Variants in PCDH7 observed in about 807,000 individuals in gnomAD.
The protein encoded by PCDH7 is protocadherin 7.
PCDH7 carries 17 observed loss-of-function variants against 58.9 expected under a neutral mutation model. The ratio of observed to expected loss-of-function variants is 0.29; its 90% confidence interval spans 0.20 to 0.43. The LOEUF (loss-of-function observed/expected upper bound fraction) is 0.43. Ranked by LOEUF, PCDH7 falls within the 20% of genes least tolerant of loss-of-function variation. The pLI is 1.00. For synonymous variants in PCDH7, 664 were observed against 616.4 expected, an observed-to-expected ratio of 1.08 and a Z score of -1.14; for missense variants, 1,274 against 1,441.0, an observed-to-expected ratio of 0.88 and a Z score of 1.88.
At chr4:31,105,748 C>T (rs1578810119) in intron 3 of PCDH7, among the ~76,000 whole-genome samples, 1 of 152,126 alleles carries the variant, frequency 6.6e-6, no homozygotes, top group African/African-American at 2.4e-5. Context: ...TGGCTCACGC[C>T]TGTAATCCCA....
intron 1 of PCDH7, among the ~76,000 whole-genome samples, chr4:30,882,079 C>T (rs549231102): frequency 6.6e-6 from 1 of 150,618 alleles, no homozygotes; most frequent in Non-Finnish European, 1.5e-5. Flanking sequence ...TCTCATCCTC[C>T]TCCTCCCCTG....
intron 1 of PCDH7, among the ~76,000 whole-genome samples, chr4:30,879,494 G>A (rs535826443): frequency 1.3e-5 from 2 of 151,844 alleles, no homozygotes; most frequent in South Asian, 2.1e-4. Flanking sequence ...TACCGTTTAC[G>A]TGACAGTATC....
intron 1 of PCDH7, among the ~76,000 whole-genome samples, chr4:30,872,696 A>G (rs1181990102): frequency 6.6e-6 from 1 of 152,104 alleles, no homozygotes; most frequent in Non-Finnish European, 1.5e-5. Context: ...AGCTCATTGT[A>G]GGCATTCATA....
At chr4:30,756,748 T>A (rs1719362329) in intron 1 of PCDH7, among the ~76,000 whole-genome samples, 1 of 152,252 alleles carries the variant, frequency 6.6e-6, no homozygotes, top group South Asian at 2.1e-4. Context: ...CTTGCTTAGA[T>A]GTCTAACATC....
At chr4:30,918,353 T>C (rs1027315536) in intron 1 of PCDH7, among the ~76,000 whole-genome samples, 3 of 151,912 alleles carry the variant, frequency 2.0e-5, no homozygotes, top group African/African-American at 7.3e-5. Flanking sequence ...TGGGTGAGGG[T>C]TGGGAGAAAA....
intron 3 of PCDH7, among the ~76,000 whole-genome samples, chr4:30,991,018 G>A (rs767610407): frequency 2.0e-5 from 3 of 152,048 alleles, no homozygotes; most frequent in Non-Finnish European, 2.9e-5. Context: ...TTTAGAAAAG[G>A]GGATTCTATA....
intron 3 of PCDH7, among the ~76,000 whole-genome samples, chr4:30,971,905 G>A (rs965750724): frequency 1.1e-4 from 16 of 152,182 alleles, no homozygotes; most frequent in African/African-American, 3.4e-4. Flanking sequence ...GAGGCTGCAT[G>A]AGCGGTGATT....
chr4:30,964,243 T>G, intron 3 of PCDH7, among the ~76,000 whole-genome samples: 1 of 42,600 alleles, frequency 2.3e-5, no homozygotes, highest in South Asian at 6.2e-4. Context: ...TATTTATTTA[T>G]TTATTTATTT....
chr4:30,970,193 TG>T (rs1749429279), intron 3 of PCDH7, among the ~76,000 whole-genome samples: 1 of 152,230 alleles, frequency 6.6e-6, no homozygotes, highest in Non-Finnish European at 1.5e-5. Flanking sequence ...GGAATTTTAT[TG>T]TAAGTTACAC....
chr4:30,946,683 A>G (rs1414162343), intron 2 of PCDH7, among the ~76,000 whole-genome samples: 1 of 104,580 alleles, frequency 9.6e-6, no homozygotes. Context: ...TTAACGCCTT[A>G]TCTCTTTTGT....
intron 1 of PCDH7, among the ~76,000 whole-genome samples, chr4:30,764,063 G>T (rs1233791409): frequency 6.6e-6 from 1 of 152,052 alleles, no homozygotes; most frequent in Non-Finnish European, 1.5e-5. Flanking sequence ...TCTTAACTTT[G>T]TTAAAGCAGC....
intron 1 of PCDH7, among the ~76,000 whole-genome samples, chr4:30,800,175 C>T (rs6827723): frequency 0.59 from 89,145 of 151,834 alleles, 26,883 homozygotes; most frequent in African/African-American, 0.74. Flanking sequence ...ATAACTTCTA[C>T]TGATATCATA....
intron 1 of PCDH7, among the ~76,000 whole-genome samples, chr4:30,834,149 T>A (rs1490087235): frequency 2.0e-5 from 3 of 152,158 alleles, no homozygotes; most frequent in Non-Finnish European, 4.4e-5. Context: ...GCTTCACAGG[T>A]AGTAATCATT....
chr4:30,726,218 CA>C (rs1560304356), intron 1 of PCDH7, among the ~76,000 whole-genome samples: 1 of 151,842 alleles, frequency 6.6e-6, no homozygotes. Flanking sequence ...ATTAAACACT[CA>C]AAAATAAATT....
intron 3 of PCDH7, among the ~76,000 whole-genome samples, chr4:31,119,474 A>G (rs1717391079): frequency 6.6e-6 from 1 of 152,136 alleles, no homozygotes; most frequent in Non-Finnish European, 1.5e-5. Flanking sequence ...CTCAGAAGAA[A>G]GAATTTGACT....
chr4:31,026,383 G>A (rs1754428338), intron 3 of PCDH7, among the ~76,000 whole-genome samples: 1 of 152,182 alleles, frequency 6.6e-6, no homozygotes, highest in African/African-American at 2.4e-5. Flanking sequence ...ATCGGCAACA[G>A]CCAGGCTAGC....
chr4:31,121,066 CTTAA>C (rs1371316856), intron 3 of PCDH7, among the ~76,000 whole-genome samples: 1 of 152,104 alleles, frequency 6.6e-6, no homozygotes, highest in Non-Finnish European at 1.5e-5. Flanking sequence ...AGCCATTTAT[CTTAA>C]TTAACGCTGG....
Position 31,009,586 on chromosome 4 carries a change from G to A in PCDH7, c.*7+59371G>A, listed in dbSNP as rs376998224. On this transcript the variant is annotated intron_variant, in intron 3 of 3. Transcript: ENST00000509759. ...AAAATTGAATATATTCTGTGACTTA[G>A]ATATGTCATTAATTTTCAACTGTTT... Among the ~76,000 whole-genome samples the A allele has an allele frequency of 2.4e-4, 37 of 152,012 alleles. No homozygotes were observed. In the South Asian group the frequency reaches 7.5e-3, roughly 31 times the overall value.
intron 3 of PCDH7, among the ~76,000 whole-genome samples, chr4:30,952,779 T>C (rs1747488809): frequency 6.6e-6 from 1 of 152,152 alleles, no homozygotes; most frequent in Non-Finnish European, 1.5e-5. Context: ...ACAGTTTTTT[T>C]GAGAGCAAGA....
Sources: gnomAD v4.1 joint callset for allele counts (sites outside exome capture counted in the v4.1 genomes callset) on GRCh38, gnomAD v4.1.1 for gene constraint, MANE v1.5 for transcripts, NCBI Gene and HGNC (gene_info 2026-07-23, HGNC 2026-07-21) for gene names.